The following ADCY2 variants were observed in gnomAD, a reference collection of about 807,000 sequenced individuals.
ADCY2 encodes the protein adenylate cyclase type 2.
A neutral mutation model predicts 125.2 loss-of-function variants in ADCY2; 31 were observed. The observed-to-expected ratio is 0.25, with a 90% confidence interval of 0.19 to 0.33. The LOEUF (loss-of-function observed/expected upper bound fraction) is 0.33, where lower values mean the gene tolerates loss of function less well. Among genes scored for constraint, ADCY2 ranks in the 10% least tolerant of loss-of-function variants. The probability of loss-of-function intolerance (pLI) is 1.00; values close to 1 mark genes in which losing one functional copy is unlikely to be tolerated. For missense variants in ADCY2, 904 were observed against 1,418.2 expected, an observed-to-expected ratio of 0.64 and a Z score of 5.82; for synonymous variants, 512 against 548.4, an observed-to-expected ratio of 0.93 and a Z score of 0.93.
At chr5:7,553,875 G>T (rs755308385) in intron 3 of ADCY2, among the ~76,000 whole-genome samples, 1 of 152,176 alleles carries the variant, frequency 6.6e-6, no homozygotes, top group Admixed American at 6.5e-5. Context: ...CTAGAAGCAC[G>T]AGAGCAACCT....
At chr5:7,570,930 A>T (rs1288620080) in intron 3 of ADCY2, among the ~76,000 whole-genome samples, 2 of 152,140 alleles carry the variant, frequency 1.3e-5, no homozygotes, top group African/African-American at 2.4e-5. Context: ...CAGGTTTGCA[A>T]GGTTTAGAAA....
At chr5:7,761,576 A>G (rs1743216736) in intron 16 of ADCY2, among the ~76,000 whole-genome samples, 2 of 152,166 alleles carry the variant, frequency 1.3e-5, no homozygotes, top group African/African-American at 4.8e-5. Context: ...AGTGCCTTCC[A>G]TTCATTAGTT....
At chr5:7,601,132 C>T (rs1396637654) in intron 3 of ADCY2, among the ~76,000 whole-genome samples, 1 of 152,104 alleles carries the variant, frequency 6.6e-6, no homozygotes, top group Non-Finnish European at 1.5e-5. Context: ...CTGACTCAGT[C>T]CCGTCTTTCC....
At chr5:7,754,850 A>T (rs937568974) in intron 15 of ADCY2, among the ~76,000 whole-genome samples, 8 of 151,448 alleles carry the variant, frequency 5.3e-5, no homozygotes, top group African/African-American at 1.7e-4. Flanking sequence ...AGAGAGCAAG[A>T]CTCCGTCTCA....
At chr5:7,548,721 T>C (rs532029535) in intron 3 of ADCY2, among the ~76,000 whole-genome samples, 24 of 152,312 alleles carry the variant, frequency 1.6e-4, no homozygotes, top group African/African-American at 4.8e-4. Context: ...TCCTGAAATA[T>C]GTTGAAAGTG....
At chr5:7,492,414 G>T (rs1008413436) in intron 2 of ADCY2, among the ~76,000 whole-genome samples, 1 of 152,184 alleles carries the variant, frequency 6.6e-6, no homozygotes, top group South Asian at 2.1e-4. Context: ...TTTTGCCATG[G>T]GGAAGTTAGA....
Position 7,817,823 on chromosome 5 carries a change from C to CAA in ADCY2, c.2998+872_2998+873dup, listed in dbSNP as rs57731885. Among the ~76,000 whole-genome samples the CAA allele has an allele frequency of 1.3e-3, 103 of 78,288 alleles. 5 individuals are homozygous for CAA. The highest frequency in any genetic ancestry group is 2.1e-3 in the Non-Finnish European group (84 of 39,380). The allele number at this position is 78,288 out of a possible 152,430, so 51.4% of individuals were successfully genotyped here. On this transcript the variant is annotated intron_variant, in intron 23 of 24. Coordinates refer to ENST00000338316, the MANE Select transcript of ADCY2 (RefSeq NM_020546.3). ...GGGTGACAGAAAGAGACGCTGTCAC[C>CAA]AAAAAAAAAAAAAAAAAAAAAAAAA... is the stretch of plus-strand genomic sequence containing the variant.
intron 4 of ADCY2, among the ~76,000 whole-genome samples, chr5:7,632,965 C>T (rs1167904481): frequency 6.6e-6 from 1 of 152,120 alleles, no homozygotes; most frequent in African/African-American, 2.4e-5. Context: ...TGCAATCAAC[C>T]TCCTTTAAGG....
At chr5:7,700,252 G>A (rs1318952947) in intron 7 of ADCY2, among the ~76,000 whole-genome samples, 1 of 152,034 alleles carries the variant, frequency 6.6e-6, no homozygotes, top group Non-Finnish European at 1.5e-5. Context: ...GAGAAGATTT[G>A]CTTATATAGG....
rs560591251 is a variant in ADCY2, at chr5:7,483,207, A to G, written c.409-37531A>G. Among the ~76,000 whole-genome samples the G allele has an allele frequency of 1.1e-4, 16 of 152,308 alleles. No individual in the cohort carries two copies. The East Asian group carries it at 2.1e-3, about 20-fold the overall frequency. ...CAAAAAATGACAAATGTTTGAGGTA[A>G]TAGATATCCTAACTATCCTGATTTG... On this transcript the variant is annotated intron_variant, in intron 2 of 24. Transcript: ENST00000338316.
At chr5:7,773,926 C>T (rs1014485254) in intron 18 of ADCY2, among the ~76,000 whole-genome samples, 22 of 152,172 alleles carry the variant, frequency 1.4e-4, no homozygotes, top group Admixed American at 3.3e-4. Flanking sequence ...AAAAGCAAAA[C>T]AACATTTTAT....
intron 3 of ADCY2, among the ~76,000 whole-genome samples, chr5:7,609,815 A>G (rs1289889497): frequency 6.6e-6 from 1 of 152,252 alleles, no homozygotes; most frequent in East Asian, 1.9e-4. Context: ...CCTGGAGAAT[A>G]GCAGGAAGGC....
At chr5:7,437,572 G>A (rs1434630991) in intron 2 of ADCY2, among the ~76,000 whole-genome samples, 1 of 152,248 alleles carries the variant, frequency 6.6e-6, no homozygotes, top group Non-Finnish European at 1.5e-5. Flanking sequence ...AGGGATGTGG[G>A]AGATTTGCAA....
chr5:7,754,983 T>C (rs1396603302), intron 15 of ADCY2, among the ~76,000 whole-genome samples: 4 of 152,378 alleles, frequency 2.6e-5, no homozygotes, highest in African/African-American at 9.6e-5. Context: ...ACAATAATGA[T>C]AACCATTCGT....
At chr5:7,778,218 G>C (rs1034142548) in intron 18 of ADCY2, among the ~76,000 whole-genome samples, 3 of 152,198 alleles carry the variant, frequency 2.0e-5, no homozygotes, top group African/African-American at 7.2e-5. Flanking sequence ...ACAAAAACTT[G>C]CTACTGTGTC....
chr5:7,810,450 T>C (rs1744901851), intron 22 of ADCY2, among the ~76,000 whole-genome samples: 1 of 151,856 alleles, frequency 6.6e-6, no homozygotes, highest in South Asian at 2.1e-4. Flanking sequence ...ATCTACCTAG[T>C]TGGTGGGTTT....
intron 7 of ADCY2, among the ~76,000 whole-genome samples, chr5:7,699,081 A>ATTTTTT (rs561359357): frequency 0.029 from 1,099 of 37,960 alleles, 322 homozygotes; most frequent in East Asian, 0.074. Flanking sequence ...AACAGTAAGC[A>ATTTTTT]TTTTTTTTTT....
intron 2 of ADCY2, among the ~76,000 whole-genome samples, chr5:7,424,113 T>A (rs2126357973): frequency 6.6e-6 from 1 of 152,378 alleles, no homozygotes. Context: ...TTTTGCTTGC[T>A]GCTCTGTTCC....
intron 2 of ADCY2, among the ~76,000 whole-genome samples, chr5:7,427,773 C>T (rs1459225030): frequency 6.6e-6 from 1 of 152,092 alleles, no homozygotes; most frequent in Non-Finnish European, 1.5e-5. Flanking sequence ...CAAAATTCAA[C>T]CAGTAACAAG....
Sources: gnomAD v4.1 joint callset for allele counts (sites outside exome capture counted in the v4.1 genomes callset) on GRCh38, gnomAD v4.1.1 for gene constraint, MANE v1.5 for transcripts, NCBI Gene and HGNC (gene_info 2026-07-23, HGNC 2026-07-21) for gene names.